Variants in APPL1 observed in about 807,000 individuals in gnomAD.
The protein encoded by APPL1 is DCC-interacting protein 13-alpha.
APPL1 carries 42 observed loss-of-function variants against 106.8 expected under a neutral mutation model. The ratio of observed to expected loss-of-function variants is 0.39; its 90% CI spans 0.31 to 0.51. The LOEUF (loss-of-function observed/expected upper bound fraction) is 0.51. APPL1 is among the 20% of genes least tolerant of loss of function. The pLI is 0.75. For synonymous variants in APPL1, 263 were observed against 281.8 expected, an observed-to-expected ratio of 0.93 and a Z score of 0.67; for missense variants, 769 against 858.2, an observed-to-expected ratio of 0.90 and a Z score of 1.30.
At chr3:57,257,182 T>C in intron 14 of APPL1, 64 bp from the exon 15 acceptor site, 1 of 1,566,288 alleles carries the variant, frequency 6.4e-7, no homozygotes. Context: ...TTTTTCATAG[T>C]TTGTTAAATA....
chr3:57,242,919 G>C lies in APPL1; in HGVS notation c.474+5G>C. 1 of 1,605,410 alleles carries C rather than the reference G, an allele frequency of 6.2e-7. No homozygotes were observed. ...AAAAAAAGAGAAAATGACAAGGTGT[G>C]GTACATATTTATTCCTTCAGTGTCA... On this transcript the variant is annotated splice_donor_5th_base_variant and intron_variant, in intron 7 of 21. Coordinates refer to ENST00000288266, the MANE Select transcript of APPL1 (RefSeq NM_012096.3).
chr3:57,230,990 C>G (rs1022163948), intron 1 of APPL1, among the ~76,000 whole-genome samples: 3 of 151,854 alleles, frequency 2.0e-5, no homozygotes, highest in African/African-American at 7.3e-5. Flanking sequence ...CTCCACCTCC[C>G]GGGTTCAAGT....
At chr3:57,268,275 T>C in intron 20 of APPL1, 123 bp from the exon 21 acceptor site, 1 of 955,550 alleles carries the variant, frequency 1.0e-6, no homozygotes, top group Non-Finnish European at 1.5e-6. Flanking sequence ...AAACTGTTGA[T>C]GTGCTTTCTT....
At chr3:57,266,290 T>G (rs2060894087) in intron 19 of APPL1, among the ~76,000 whole-genome samples, 1 of 152,202 alleles carries the variant, frequency 6.6e-6, no homozygotes, top group African/African-American at 2.4e-5. Flanking sequence ...TCTTTAAATG[T>G]TTGGTAGAAT....
At position 57,271,992 on chromosome 3, in the gene APPL1, G is replaced by A. The variant is rs189112925; in HGVS notation, c.*2305G>A. The stretch of plus-strand genomic sequence containing the variant: ...ATTTAAAGGCTGCCCATGGGTTTCT[G>A]CCTAGTGGTAAAGCTGATTGTTACC... On this transcript the variant is annotated 3_prime_UTR_variant, in exon 22 of 22. Transcript: ENST00000288266. The A allele has an allele frequency of 1.3e-5, 2 of 152,306 alleles. No homozygotes were observed. The highest frequency in any genetic ancestry group is 2.9e-5 in the Non-Finnish European group (2 of 68,020). 9.4% of individuals were successfully genotyped at this position (152,306 alleles called of 1,614,324 possible).
At chr3:57,247,090 T>C (rs1004937681) in intron 8 of APPL1, among the ~76,000 whole-genome samples, 4 of 152,216 alleles carry the variant, frequency 2.6e-5, no homozygotes, top group African/African-American at 7.2e-5. Context: ...TGAAATACTT[T>C]ATATAATTTA....
At chr3:57,260,866 T>G (rs2060861549) in intron 19 of APPL1, 92 bp downstream of exon 19, 1 of 898,626 alleles carries the variant, frequency 1.1e-6, no homozygotes, top group African/African-American at 1.8e-5. Flanking sequence ...CAAATTAAAT[T>G]AGTTAGTAAT....
chr3:57,267,772 A>G lies in APPL1; in HGVS notation c.1873A>G (p.Ile625Val). 1 of 1,613,880 alleles carries G rather than the reference A, an allele frequency of 6.2e-7. No individual in the cohort carries two copies. Among genetic ancestry groups the G allele is most frequent in the Non-Finnish European group, 8.5e-7 (1 of 1,180,010 alleles). The change falls in exon 20 of 22, where the codon ATA becomes GTA. Residue 625 changes from isoleucine to valine, a missense_variant. Physicochemically the swap from Ile to Val is conservative, Grantham distance 29 (BLOSUM62 3). Transcript: ENST00000288266. ...TGATTCTGTTGGACTGGCAAAACAG[A>G]TAGCTTTGCATGCTGAACTGGTAAG... ...ICDSVGLAKQIALHAELDRRA... is the reference protein window; with the variant it reads ...ICDSVGLAKQVALHAELDRRA...
intron 6 of APPL1, among the ~76,000 whole-genome samples, chr3:57,242,636 A>G (rs2060752816): frequency 6.6e-6 from 1 of 152,182 alleles, no homozygotes; most frequent in Non-Finnish European, 1.5e-5. Flanking sequence ...GCTTTAGTGC[A>G]TTAGTTTCCT....
At chr3:57,242,802 T>C in intron 6 of APPL1, 54 bp from the exon 7 acceptor site, 1 of 1,337,152 alleles carries the variant, frequency 7.5e-7, no homozygotes, top group Non-Finnish European at 1.1e-6. Context: ...TTGAAAGCAT[T>C]TGTAAGTTTT....
chr3:57,246,071 C>T lies in APPL1; in HGVS notation c.475-5C>T. On this transcript the variant is annotated splice_polypyrimidine_tract_variant and splice_region_variant and intron_variant, in intron 7 of 21. Coordinates refer to ENST00000288266, the MANE Select transcript of APPL1 (RefSeq NM_012096.3). ...ACTTAATTATTTAAATCTTTTCATT[C>T]AAAGGTGAAGTATGAAGTAACAGAA... The T allele has an allele frequency of 6.4e-7, 1 of 1,555,480 alleles. No homozygotes were observed. The highest frequency in any genetic ancestry group is 8.7e-7 in the Non-Finnish European group (1 of 1,155,846).
chr3:57,256,841 C>A, intron 13 of APPL1, 116 bp from the exon 14 acceptor site: 1 of 767,832 alleles, frequency 1.3e-6, no homozygotes, highest in Non-Finnish European at 2.2e-6. Context: ...ACTTTAGTAG[C>A]TCTAATTTAT....
At chr3:57,229,632 G>T (rs1356922871) in intron 1 of APPL1, among the ~76,000 whole-genome samples, 2 of 150,230 alleles carry the variant, frequency 1.3e-5, no homozygotes, top group African/African-American at 4.9e-5. Flanking sequence ...GAACACCTAT[G>T]CTGAAGTGAT....
At position 57,269,736 on chromosome 3, in the gene APPL1, G is replaced by A; in HGVS notation, c.*49G>A. On this transcript the variant is annotated 3_prime_UTR_variant, in exon 22 of 22. Transcript: ENST00000288266. ...CCCCTTGGAATTTGACAGTTTCTAT[G>A]GTGAAATGGCAGAAGGTAACAACTA... 1 of 1,586,936 alleles carries A rather than the reference G, an allele frequency of 6.3e-7. No individual in the cohort carries two copies. The highest frequency in any genetic ancestry group is 8.6e-7 in the Non-Finnish European group (1 of 1,158,402).
intron 1 of APPL1, among the ~76,000 whole-genome samples, chr3:57,232,737 T>C (rs1197720907): frequency 6.6e-6 from 1 of 152,172 alleles, no homozygotes; most frequent in East Asian, 1.9e-4. Flanking sequence ...GTGCGGTGGC[T>C]CACGCCTGTA....
chr3:57,233,497 AAC>A (rs370072722), intron 1 of APPL1, among the ~76,000 whole-genome samples: 1 of 151,830 alleles, frequency 6.6e-6, no homozygotes, highest in Non-Finnish European at 1.5e-5. Flanking sequence ...AAAAAAAAAA[AAC>A]AAAACAGAAA....
At chr3:57,268,659 G>A in intron 21 of APPL1, 172 bp downstream of exon 21, 6 of 578,538 alleles carry the variant, frequency 1.0e-5, no homozygotes, top group Non-Finnish European at 1.6e-5. Context: ...TTTTTGATAT[G>A]ATGTTTACAT....
Position 57,230,011 on chromosome 3 carries a change from GC to G in APPL1, c.54+2076del, listed in dbSNP as rs772828110. On this transcript the variant is annotated intron_variant, in intron 1 of 21. Transcript: ENST00000288266. ...TTACAGGTGTGAGCCACTGCGCCTG[GC>G]CTGTGCCAGCTAATTTTTAATGAAG... 4.9e-4 allele frequency among the ~76,000 whole-genome samples: 74 copies of G among 152,202 alleles called. No individual in the cohort carries two copies. The Middle Eastern group carries it at 0.031, about 63-fold the overall frequency.
chr3:57,262,813 GGT>G (rs4060605), intron 19 of APPL1, among the ~76,000 whole-genome samples: 417 of 142,678 alleles, frequency 2.9e-3, no homozygotes, highest in South Asian at 0.011. Flanking sequence ...GGGTACAAGG[GGT>G]GTGTGTGTGT....
Sources: gnomAD v4.1 joint callset for allele counts (sites outside exome capture counted in the v4.1 genomes callset) on GRCh38, gnomAD v4.1.1 for gene constraint, MANE v1.5 for transcripts, NCBI Gene and HGNC (gene_info 2026-07-23, HGNC 2026-07-21) for gene names.